SLC5A10: variants seen among roughly 807,000 people sequenced by gnomAD.
SLC5A10 encodes sodium/mannose cotransporter SLC5A10.
In SLC5A10, 55 loss-of-function variants were observed where a neutral mutation model predicts 68.9. The observed-to-expected ratio is 0.80, with a 90% CI of 0.64 to 1.00. The LOEUF (loss-of-function observed/expected upper bound fraction) is 1.00, where lower values mean the gene tolerates loss of function less well. SLC5A10 is among the 50% of genes least tolerant of loss of function. SLC5A10 has a pLI of 0.00. For synonymous variants in SLC5A10, 344 were observed against 344.8 expected (o/e 1.00, Z 0.02); for missense variants, 732 against 819.3 (o/e 0.89, Z 1.30).
Position 18,971,349 on chromosome 17 carries a change from G to C in SLC5A10, c.846+131G>C, listed in dbSNP as rs1329829091. On this transcript the variant is annotated intron_variant, in intron 8 of 14. Coordinates refer to ENST00000395645, the MANE Select transcript of SLC5A10 (RefSeq NM_001042450.4). The surrounding 1 kb of genome is among the most constrained non-coding windows in gnomAD (Gnocchi z 5.5). The stretch of plus-strand genomic sequence containing the variant: ...CCTCAGAAGGTGTGGCTCCAGGCTG[G>C]GACATGCTGCTAGGGGTCTTTGCGG... The C allele has an allele frequency of 6.3e-7, 1 of 1,597,582 alleles. No individual in the cohort carries two copies. Among genetic ancestry groups the C allele is most frequent in the African/African-American group, 1.4e-5 (1 of 70,050 alleles).
At chr17:18,970,428 T>A (rs571487024) in intron 7 of SLC5A10, 6 of 157,352 alleles carry the variant, frequency 3.8e-5, no homozygotes, top group African/African-American at 1.4e-4. Flanking sequence ...TGAGGTGTTT[T>A]GGACTGGAGA....
rs1310406146 is a variant in SLC5A10, at chr17:19,021,132, C to T, written c.*701C>T. 2 of 152,334 alleles carry T rather than the reference C, an allele frequency of 1.3e-5. No homozygotes were observed. Among genetic ancestry groups the T allele is most frequent in the African/African-American group, 4.8e-5 (2 of 41,470 alleles). 9.4% of individuals were successfully genotyped at this position (152,334 alleles called of 1,614,324 possible). A position where few individuals can be genotyped will look rare whatever the true frequency, so the allele number is the denominator to read the frequency against. ...ATCCTGTAGGATCTCTAAAACCTAGCTCTGGCCCCAACTTTCTGTCTGCCC... is the reference window on the plus strand; with the variant it reads ...ATCCTGTAGGATCTCTAAAACCTAGTTCTGGCCCCAACTTTCTGTCTGCCC... On this transcript the variant is annotated 3_prime_UTR_variant, in exon 15 of 15. Transcript: ENST00000395645. The surrounding 1 kb of genome is among the most constrained non-coding windows in gnomAD (Gnocchi z 4.1).
intron 9 of SLC5A10, among the ~76,000 whole-genome samples, chr17:18,992,408 C>G (rs967919919): frequency 6.6e-6 from 1 of 152,228 alleles, no homozygotes; most frequent in African/African-American, 2.4e-5. Context: ...GTGACCGGAG[C>G]AGCTTGAGCT....
At chr17:18,987,247 C>T (rs991963514) in intron 9 of SLC5A10, among the ~76,000 whole-genome samples, 5 of 152,300 alleles carry the variant, frequency 3.3e-5, no homozygotes, top group Admixed American at 2.6e-4. Context: ...GCCTCTACCC[C>T]ACTATCTTTA....
rs1387561438 is a variant in SLC5A10 at position 19,017,297 on chromosome 17, T to C, written c.1241+2098T>C. 1.3e-6 allele frequency: 2 copies of C among 1,551,970 alleles called. No homozygotes were observed. The highest frequency in any genetic ancestry group is 2.4e-5 in the South Asian group (2 of 84,060). On this transcript the variant is annotated intron_variant, in intron 11 of 14. Coordinates refer to ENST00000395645, the MANE Select transcript of SLC5A10 (RefSeq NM_001042450.4). The surrounding 1 kb of genome is among the most constrained non-coding windows in gnomAD (Gnocchi z 5.6). The stretch of plus-strand genomic sequence containing the variant: ...TCCCTCTTACAGCACTGGGATACCC[T>C]CAACACCCCCAGCCCCTCAAAGCCG...
upstream of SLC5A10, chr17:18,952,098 T>C (rs2042377752): frequency 1.4e-6 from 2 of 1,478,986 alleles, no homozygotes; most frequent in East Asian, 5.0e-5. Flanking sequence ...GAGATGCCAC[T>C]GTCCGCTTGG....
At chr17:18,985,413 G>T (rs1483359176) in intron 9 of SLC5A10, among the ~76,000 whole-genome samples, 1 of 152,202 alleles carries the variant, frequency 6.6e-6, no homozygotes, top group Non-Finnish European at 1.5e-5. Flanking sequence ...AGGTCAAAAG[G>T]ATGACCCTAC....
chr17:18,971,280 C>T lies in SLC5A10; in HGVS notation c.846+62C>T. ...GCCGTCCCAGTGGGCTCTGGTAGGC[C>T]CAGGCGGCCTGTCTGCCCTCCGCGT... On this transcript the variant is annotated intron_variant, in intron 8 of 14. Transcript: ENST00000395645. The surrounding 1 kb of genome is among the most constrained non-coding windows in gnomAD (Gnocchi z 5.5). 1 of 1,610,364 alleles carries T rather than the reference C, an allele frequency of 6.2e-7. No homozygotes were observed. The highest frequency in any genetic ancestry group is 2.2e-5 in the East Asian group (1 of 44,798).
rs769233761 is a variant in SLC5A10, at chr17:19,019,605, G to C, written c.1410+14G>C. ...GCCAACGAGCAGGTGGGCGTCGGCG[G>C]TCTGCTCTCCCTGGGGACGTGCCAC... On this transcript the variant is annotated intron_variant, in intron 12 of 14. Coordinates refer to ENST00000395645, the MANE Select transcript of SLC5A10 (RefSeq NM_001042450.4). 2.7e-5 allele frequency: 43 copies of C among 1,609,796 alleles called. No individual in the cohort carries two copies. Among genetic ancestry groups the C allele is most frequent in the Non-Finnish European group, 3.6e-5 (42 of 1,179,568 alleles).
chr17:18,973,562 G>C (rs538381557), intron 8 of SLC5A10, among the ~76,000 whole-genome samples: 6 of 152,330 alleles, frequency 3.9e-5, no homozygotes, highest in Admixed American at 3.3e-4. Flanking sequence ...TCTCTGTGTG[G>C]CTCTCACTGA....
At chr17:18,951,151 G>A (rs1210116303), upstream of SLC5A10, among the ~76,000 whole-genome samples, 1 of 152,252 alleles carries the variant, frequency 6.6e-6, no homozygotes, top group Non-Finnish European at 1.5e-5. Flanking sequence ...TGGTTAAACT[G>A]CAAATGCTTT....
In SLC5A10 at chr17:19,004,015, C is replaced by G; in HGVS notation, c.983-9395C>G. On this transcript the variant is annotated intron_variant, in intron 9 of 14. Coordinates refer to ENST00000395645, the MANE Select transcript of SLC5A10 (RefSeq NM_001042450.4). This position sits in a 1 kb window ranked among gnomAD's most constrained non-coding sequence, Gnocchi z 5.4. ...AGCGCCAGTTCACATGGTTGTCGTCCAGACACTGCACCTGAGAGAAGGCCA... is the reference window on the plus strand; with the variant it reads ...AGCGCCAGTTCACATGGTTGTCGTCGAGACACTGCACCTGAGAGAAGGCCA... 6.2e-7 allele frequency: 1 copy of G among 1,607,884 alleles called. No homozygotes were observed. Among genetic ancestry groups the G allele is most frequent in the Non-Finnish European group, 8.5e-7 (1 of 1,176,968 alleles).
chr17:18,990,380 G>A (rs2043385286), intron 9 of SLC5A10, among the ~76,000 whole-genome samples: 2 of 152,090 alleles, frequency 1.3e-5, no homozygotes, highest in African/African-American at 4.8e-5. Flanking sequence ...GGATCTCCCA[G>A]ACCCAAAGCC....
intron 5 of SLC5A10, among the ~76,000 whole-genome samples, chr17:18,961,928 C>CGTA (rs2151994679): frequency 6.6e-6 from 1 of 152,346 alleles, no homozygotes; most frequent in East Asian, 1.9e-4. Context: ...CAGCAAACCC[C>CGTA]GTACCGCAGT....
At chr17:19,012,775 C>T (rs941482417) in intron 9 of SLC5A10, among the ~76,000 whole-genome samples, 5 of 152,308 alleles carry the variant, frequency 3.3e-5, no homozygotes, top group Admixed American at 6.5e-5. Flanking sequence ...CAGGAAATAG[C>T]CTGGCGTAAA....
intron 9 of SLC5A10, among the ~76,000 whole-genome samples, chr17:18,999,225 C>A (rs1418329656): frequency 6.6e-6 from 1 of 151,618 alleles, no homozygotes; most frequent in Non-Finnish European, 1.5e-5. Flanking sequence ...TTGCGGTGAG[C>A]AGAGATCGTG....
At position 19,008,230 on chromosome 17, in the gene SLC5A10, C is replaced by A. The variant is rs79525123; in HGVS notation, c.983-5180C>A. Among the ~76,000 whole-genome samples, 308 of 152,310 alleles carry A rather than the reference C, an allele frequency of 2.0e-3. 2 individuals are homozygous for A. Among genetic ancestry groups the A allele is most frequent in the African/African-American group, 6.9e-3 (288 of 41,570 alleles). On this transcript the variant is annotated intron_variant, in intron 9 of 14. Transcript: ENST00000395645. The stretch of plus-strand genomic sequence containing the variant: ...GTTATGTACCCTGGGTGCTTTCCCC[C>A]ACTGTCCTCTTAACTCTATTTTAGT...
At chr17:18,958,358 T>C (rs1024684022) in intron 1 of SLC5A10, among the ~76,000 whole-genome samples, 44 of 152,348 alleles carry the variant, frequency 2.9e-4, no homozygotes, top group Middle Eastern at 3.4e-3. Flanking sequence ...CTGCACCCAA[T>C]AGAACTTCAT....
intron 9 of SLC5A10, chr17:18,979,493 C>A: frequency 6.3e-7 from 1 of 1,599,048 alleles, no homozygotes; most frequent in Non-Finnish European, 8.5e-7. Flanking sequence ...AGGGCAGAAG[C>A]CAGTTGGGAG....
Sources: gnomAD v4.1 joint callset for allele counts (sites outside exome capture counted in the v4.1 genomes callset) on GRCh38, gnomAD v4.1.1 for gene constraint, Gnocchi (gnomAD v3.1) non-coding constraint, MANE v1.5 for transcripts, NCBI Gene and HGNC (gene_info 2026-07-23, HGNC 2026-07-21) for gene names.